The following PPP1R12B variants were observed in gnomAD, a reference collection of about 807,000 sequenced individuals.
PPP1R12B encodes protein phosphatase 1 regulatory subunit 12B.
A neutral mutation model predicts 126.1 loss-of-function variants in PPP1R12B; 76 were observed. The ratio of observed to expected loss-of-function variants is 0.60; its 90% CI spans 0.50 to 0.73. PPP1R12B has a LOEUF of 0.73. Among genes scored for constraint, PPP1R12B ranks in the 30% least tolerant of loss-of-function variants. PPP1R12B has a pLI of 0.00. For synonymous variants in PPP1R12B, 356 were observed against 434.7 expected (o/e 0.82, Z 2.25); for missense variants, 1,052 against 1,205.1 (o/e 0.87, Z 1.88).
chr1:202,463,248 T>C (rs796509565), intron 13 of PPP1R12B, among the ~76,000 whole-genome samples: 5 of 152,332 alleles, frequency 3.3e-5, no homozygotes, highest in African/African-American at 1.2e-4. Context: ...GGAACTTCTC[T>C]AGTGTTTCTT....
intron 3 of PPP1R12B, among the ~76,000 whole-genome samples, chr1:202,423,326 C>T (rs923704471): frequency 5.3e-5 from 8 of 152,072 alleles, no homozygotes; most frequent in South Asian, 2.1e-4. Context: ...CAAAACTCTG[C>T]GGACAAGATT....
intron 3 of PPP1R12B, among the ~76,000 whole-genome samples, chr1:202,424,907 AT>A (rs1669296344): frequency 6.6e-6 from 1 of 152,198 alleles, no homozygotes; most frequent in South Asian, 2.1e-4. Context: ...TCTGTCCTAG[AT>A]TATATATCTT....
intron 19 of PPP1R12B, among the ~76,000 whole-genome samples, chr1:202,560,502 A>G (rs1687402633): frequency 6.6e-6 from 1 of 152,224 alleles, no homozygotes; most frequent in Non-Finnish European, 1.5e-5. Context: ...TGACTTTGCC[A>G]TGGCATTTGT....
chr1:202,532,035 T>C (rs1454595949), intron 18 of PPP1R12B, among the ~76,000 whole-genome samples: 1 of 152,186 alleles, frequency 6.6e-6, no homozygotes, highest in Non-Finnish European at 1.5e-5. Context: ...GGTTACTTCT[T>C]GATTATATGC....
chr1:202,351,908 T>G (rs1656083827), intron 1 of PPP1R12B, among the ~76,000 whole-genome samples: 1 of 152,304 alleles, frequency 6.6e-6, no homozygotes, highest in Middle Eastern at 3.4e-3. Context: ...GAGACCTTCT[T>G]TCTTGGCAGC....
chr1:202,362,095 A>T (rs1658321376), intron 1 of PPP1R12B, among the ~76,000 whole-genome samples: 1 of 149,618 alleles, frequency 6.7e-6, no homozygotes. Flanking sequence ...TCTTGGCAAC[A>T]TTTTTGCCAG....
chr1:202,384,462 A>G (rs1315566175), intron 1 of PPP1R12B, among the ~76,000 whole-genome samples: 1 of 152,260 alleles, frequency 6.6e-6, no homozygotes, highest in Non-Finnish European at 1.5e-5. Flanking sequence ...AATAGGCTAC[A>G]TATTATATGA....
chr1:202,370,310 C>A (rs566436198), intron 1 of PPP1R12B, among the ~76,000 whole-genome samples: 1 of 152,146 alleles, frequency 6.6e-6, no homozygotes, highest in South Asian at 2.1e-4. Context: ...TCATTTTTCA[C>A]GTATCCATAG....
chr1:202,349,539 G>T (rs1433086652), intron 1 of PPP1R12B, among the ~76,000 whole-genome samples: 2 of 152,144 alleles, frequency 1.3e-5, no homozygotes, highest in Admixed American at 1.3e-4. Context: ...TTCAGTTGTT[G>T]TGTGTCCCCG....
chr1:202,561,130 C>CA (rs925478181), intron 19 of PPP1R12B, among the ~76,000 whole-genome samples: 40 of 148,310 alleles, frequency 2.7e-4, no homozygotes, highest in East Asian at 9.8e-4. Context: ...AATTCAGAAA[C>CA]AAAAAAAAAG....
chr1:202,471,330 T>C (rs1361852931), intron 13 of PPP1R12B, among the ~76,000 whole-genome samples: 2 of 152,084 alleles, frequency 1.3e-5, no homozygotes, highest in Non-Finnish European at 2.9e-5. Context: ...CTGATGGACA[T>C]TTAGGTATTT....
In PPP1R12B at chr1:202,419,168, AT is replaced by A. The variant is rs142328879; in HGVS notation, c.422+2259del. ...ATGCTAGTTAGCTGGGTGTTTTTAC[AT>A]TTTTTTTATGAATAAATGTTTCACT... On this transcript the variant is annotated intron_variant, in intron 2 of 23. Transcript: ENST00000608999. This position sits in a 1 kb window ranked among gnomAD's most constrained non-coding sequence, Gnocchi z 4.6. Among the ~76,000 whole-genome samples, 528 of 152,064 alleles carry A rather than the reference AT, an allele frequency of 3.5e-3. 6 individuals carry two copies. The highest frequency in any genetic ancestry group is 0.012 in the African/African-American group (511 of 41,488).
At chr1:202,354,475 G>T (rs1033050539) in intron 1 of PPP1R12B, among the ~76,000 whole-genome samples, 1 of 152,112 alleles carries the variant, frequency 6.6e-6, no homozygotes, top group East Asian at 1.9e-4. Flanking sequence ...AGGCTGAGGC[G>T]GGAGGATAGC....
At chr1:202,484,096 C>T (rs932952272) in intron 13 of PPP1R12B, among the ~76,000 whole-genome samples, 8 of 152,104 alleles carry the variant, frequency 5.3e-5, no homozygotes, top group Non-Finnish European at 8.8e-5. Flanking sequence ...ATAATTTAAT[C>T]CATTTATATT....
At chr1:202,446,260 T>G (rs1348428412) in intron 12 of PPP1R12B, among the ~76,000 whole-genome samples, 1 of 121,796 alleles carries the variant, frequency 8.2e-6, no homozygotes, top group Admixed American at 9.2e-5. Context: ...ATATATATTT[T>G]TTTTTTTTTT....
At chr1:202,394,370 C>T (rs571085083) in intron 1 of PPP1R12B, among the ~76,000 whole-genome samples, 1 of 152,102 alleles carries the variant, frequency 6.6e-6, no homozygotes, top group South Asian at 2.1e-4. Context: ...AGTATCTGGA[C>T]AGTATTTTAG....
intron 2 of PPP1R12B, among the ~76,000 whole-genome samples, chr1:202,420,133 T>C (rs1224518789): frequency 6.6e-6 from 1 of 152,240 alleles, no homozygotes; most frequent in Non-Finnish European, 1.5e-5. Context: ...GACTCAGCTT[T>C]CAGCTTAATT....
chr1:202,510,698 A>T (rs1681363111), intron 18 of PPP1R12B, among the ~76,000 whole-genome samples: 1 of 152,030 alleles, frequency 6.6e-6, no homozygotes, highest in Non-Finnish European at 1.5e-5. Context: ...TTCAGTCAAC[A>T]TATATTTATT....
At chr1:202,380,484 A>G (rs55916976) in intron 1 of PPP1R12B, among the ~76,000 whole-genome samples, 5,719 of 152,238 alleles carry the variant, frequency 0.038, 193 homozygotes, top group Admixed American at 0.11. Flanking sequence ...TTCTGTGAAC[A>G]TGATTTGAAC....
Sources: allele counts gnomAD v4.1 joint callset (sites outside exome capture counted in the v4.1 genomes callset), GRCh38; gene constraint gnomAD v4.1.1; non-coding constraint Gnocchi (gnomAD v3.1); transcripts MANE v1.5; gene names NCBI Gene and HGNC (gene_info 2026-07-23, HGNC 2026-07-21).